Variants in PRKD3 observed in about 807,000 individuals in gnomAD.
PRKD3 encodes the protein serine/threonine-protein kinase D3.
PRKD3 carries 47 observed loss-of-function variants against 99.2 expected under a neutral mutation model. The ratio of observed to expected loss-of-function variants is 0.47; its 90% CI spans 0.38 to 0.60. PRKD3 has a LOEUF of 0.60. PRKD3 is among the 20% of genes least tolerant of loss of function. The pLI is 0.00. For missense variants in PRKD3, 1,019 were observed against 1,088.4 expected, an observed-to-expected ratio of 0.94 and a Z score of 0.90; for synonymous variants, 392 against 355.4, an observed-to-expected ratio of 1.10 and a Z score of -1.16.
chr2:37,316,110 C>G, intron 2 of PRKD3, 127 bp downstream of exon 2: 1 of 1,011,654 alleles, frequency 9.9e-7, no homozygotes, highest in Non-Finnish European at 1.4e-6. Context: ...GTCATTAGAA[C>G]TCTTCCAAAA....
chr2:37,258,857 G>A (rs930089740), intron 16 of PRKD3, among the ~76,000 whole-genome samples: 3 of 152,160 alleles, frequency 2.0e-5, no homozygotes, highest in Non-Finnish European at 4.4e-5. Flanking sequence ...AAATGTACAT[G>A]TTTCAAATGT....
chr2:37,275,965 T>C (rs1242947397), intron 9 of PRKD3, 121 bp from the exon 10 acceptor site: 39 of 1,308,136 alleles, frequency 3.0e-5, no homozygotes, highest in Non-Finnish European at 3.5e-5. Context: ...TTAAGATTCA[T>C]GAGGTTCAAA....
intron 5 of PRKD3, among the ~76,000 whole-genome samples, 192 bp downstream of exon 5, chr2:37,289,164 A>G (rs1670264653): frequency 6.6e-6 from 1 of 152,130 alleles, no homozygotes; most frequent in African/African-American, 2.4e-5. Flanking sequence ...CCATAATACC[A>G]TCCCAAGGTG....
intron 18 of PRKD3, 71 bp from the exon 19 acceptor site, chr2:37,253,421 G>GTT (rs138987723): frequency 1.6e-4 from 206 of 1,308,526 alleles, no homozygotes; most frequent in African/African-American, 5.9e-4. Context: ...TTTGTTTTGT[G>GTT]TTTTTTTTTG....
At chr2:37,286,051 T>C (rs891562413) in intron 6 of PRKD3, 126 bp downstream of exon 6, 8 of 868,948 alleles carry the variant, frequency 9.2e-6, no homozygotes, top group Non-Finnish European at 1.4e-5. Flanking sequence ...ATATTTCTCT[T>C]TCCTTTATAT....
chr2:37,251,646 G>A lies in PRKD3; in HGVS notation c.*1531C>T, dbSNP rs1410762530. On this transcript the variant is annotated 3_prime_UTR_variant, in exon 19 of 19. Coordinates refer to ENST00000234179, the MANE Select transcript of PRKD3 (RefSeq NM_005813.6). Reference sequence around the variant, plus strand: ...TTTTTTTTGCTACCTCAAATTCGGTGGGCAACGATAGTTAACACTTTCCTA... The same window carrying A: ...TTTTTTTTGCTACCTCAAATTCGGTAGGCAACGATAGTTAACACTTTCCTA... 6.6e-6 allele frequency: 1 copy of A among 151,422 alleles called. No individual in the cohort carries two copies. The highest frequency in any genetic ancestry group is 1.5e-5 in the Non-Finnish European group (1 of 67,940). 9.4% of individuals were successfully genotyped at this position (151,422 alleles called of 1,614,324 possible).
At chr2:37,273,081 TG>T (rs1259611383) in intron 11 of PRKD3, among the ~76,000 whole-genome samples, 1 of 151,980 alleles carries the variant, frequency 6.6e-6, no homozygotes, top group Admixed American at 6.6e-5. Context: ...GTGGAAGAGG[TG>T]GGGTTGGGGG....
chr2:37,307,368 T>C (rs1395775394), intron 2 of PRKD3, among the ~76,000 whole-genome samples: 2 of 152,138 alleles, frequency 1.3e-5, no homozygotes, highest in Non-Finnish European at 2.9e-5. Flanking sequence ...TTTTGCACAA[T>C]CCCAGGAAAA....
chr2:37,278,418 A>G (rs12712530), intron 8 of PRKD3: 107,139 of 152,340 alleles, frequency 0.7, 38,309 homozygotes, highest in East Asian at 0.98. Context: ...TGGCTCAAAT[A>G]TCAAATCCAG....
chr2:37,273,258 A>T (rs989819331), intron 11 of PRKD3, among the ~76,000 whole-genome samples: 4 of 152,264 alleles, frequency 2.6e-5, no homozygotes, highest in Admixed American at 2.0e-4. Context: ...CCTAGTTTTA[A>T]TTAGAATGAC....
chr2:37,308,185 AAAG>A (rs1293625355), intron 2 of PRKD3, among the ~76,000 whole-genome samples: 6 of 152,358 alleles, frequency 3.9e-5, no homozygotes, highest in East Asian at 1.9e-4. Flanking sequence ...CTCTATGTAG[AAAG>A]AAGACATTAA....
Position 37,276,215 on chromosome 2 carries a change from CAT to C in PRKD3, c.1297-373_1297-372del, listed in dbSNP as rs200084777. Among the ~76,000 whole-genome samples, 626 of 152,154 alleles carry C rather than the reference CAT, an allele frequency of 4.1e-3. 6 individuals carry two copies. Among genetic ancestry groups the C allele is most frequent in the African/African-American group, 0.014 (596 of 41,526 alleles). ...GAAGTTGATTTGCTGGGTCAACAGA[CAT>C]GTGCACATGTAATTTTGCCTGATAG... On this transcript the variant is annotated intron_variant, in intron 9 of 18. Transcript: ENST00000234179.
chr2:37,293,019 G>A, intron 3 of PRKD3, 114 bp downstream of exon 3: 2 of 1,152,708 alleles, frequency 1.7e-6, no homozygotes, highest in Non-Finnish European at 2.4e-6. Context: ...AGAGATGAAA[G>A]AAATTAAGTA....
rs189669896 is a variant in PRKD3, at chr2:37,317,148, G to C, written c.-624C>G. The C allele has an allele frequency of 8.1e-6, 8 of 984,970 alleles. No homozygotes were observed. The highest frequency in any genetic ancestry group is 9.6e-6 in the Non-Finnish European group (8 of 829,620). The allele number at this position is 984,970 out of a possible 1,614,324, so 61.0% of individuals were successfully genotyped here. ...TTCATTAGATGAATGGGTCCATCGAGAAAAGCTGATGCTTTCTGACATATA... is the reference window on the plus strand; with the variant it reads ...TTCATTAGATGAATGGGTCCATCGACAAAAGCTGATGCTTTCTGACATATA... On this transcript the variant is annotated 5_prime_UTR_variant, in exon 2 of 19. Coordinates refer to ENST00000234179, the MANE Select transcript of PRKD3 (RefSeq NM_005813.6).
At chr2:37,301,664 T>C (rs1319991131) in intron 2 of PRKD3, among the ~76,000 whole-genome samples, 1 of 152,178 alleles carries the variant, frequency 6.6e-6, no homozygotes, top group Non-Finnish European at 1.5e-5. Context: ...AAACCTGTAC[T>C]AATGCTGTTG....
At chr2:37,280,337 G>A (rs1276269077) in intron 7 of PRKD3, among the ~76,000 whole-genome samples, 1 of 151,896 alleles carries the variant, frequency 6.6e-6, no homozygotes, top group African/African-American at 2.4e-5. Flanking sequence ...GAGCCACCAC[G>A]CCTGGCCTAA....
At chr2:37,313,037 A>C (rs1482151305) in intron 2 of PRKD3, among the ~76,000 whole-genome samples, 1 of 152,254 alleles carries the variant, frequency 6.6e-6, no homozygotes, top group African/African-American at 2.4e-5. Context: ...GGTATATATT[A>C]CATTATAAAG....
At chr2:37,260,993 C>T (rs1186545217) in intron 14 of PRKD3, among the ~76,000 whole-genome samples, 2 of 152,180 alleles carry the variant, frequency 1.3e-5, no homozygotes, top group East Asian at 3.8e-4. Context: ...TGTTCTACTA[C>T]AGAAAATCCT....
chr2:37,312,891 A>G (rs898370839), intron 2 of PRKD3, among the ~76,000 whole-genome samples: 8 of 152,236 alleles, frequency 5.3e-5, no homozygotes, highest in African/African-American at 1.7e-4. Context: ...ACTAGGAGCA[A>G]TCGTTCACTA....
Sources: gnomAD v4.1 joint callset for allele counts (sites outside exome capture counted in the v4.1 genomes callset) on GRCh38, gnomAD v4.1.1 for gene constraint, MANE v1.5 for transcripts, NCBI Gene and HGNC (gene_info 2026-07-23, HGNC 2026-07-21) for gene names.